The following OLFM2 variants were observed in gnomAD, a reference collection of about 807,000 sequenced individuals.
The protein encoded by OLFM2 is noelin-2.
In OLFM2, 20 loss-of-function variants were observed where a neutral mutation model predicts 43.9. That is an observed-to-expected ratio of 0.46 (90% CI 0.32 to 0.66). The LOEUF is 0.66. OLFM2 is among the 30% of genes least tolerant of loss of function. The pLI is 0.04. For synonymous variants in OLFM2, 268 were observed against 278.6 expected (o/e 0.96, Z 0.38); for missense variants, 416 against 643.6 (o/e 0.65, Z 3.83).
rs181297330 is a variant in OLFM2, at chr19:9,901,335, A to G, written c.63+34969T>C. Among the ~76,000 whole-genome samples the G allele has an allele frequency of 5.9e-4, 90 of 152,250 alleles. 1 individual carries two copies. Among genetic ancestry groups the G allele is most frequent in the Admixed American group, 5.1e-3 (78 of 15,280 alleles). On this transcript the variant is annotated intron_variant, in intron 1 of 5. Transcript: ENST00000264833. ...CAACTACTTGGGAGGCTGAGGAATT[A>G]GACTTGCTTGAGCCTGGAAGGCAGA...
chr19:9,934,058 T>C (rs765831367), intron 1 of OLFM2, among the ~76,000 whole-genome samples: 2 of 152,130 alleles, frequency 1.3e-5, no homozygotes, highest in African/African-American at 2.4e-5. Context: ...GTTCATTGAA[T>C]GGATTAACCA....
chr19:9,928,022 C>A (rs1354714158), intron 1 of OLFM2, among the ~76,000 whole-genome samples: 2 of 151,884 alleles, frequency 1.3e-5, no homozygotes, highest in African/African-American at 4.8e-5. Context: ...CATAGTGAGA[C>A]CCCCATCTCT....
chr19:9,860,618 C>T (rs891248315), intron 2 of OLFM2, 27 bp downstream of exon 2: 1 of 1,562,276 alleles, frequency 6.4e-7, no homozygotes, highest in Non-Finnish European at 8.7e-7. Context: ...TTCCCAGCTG[C>T]CCCCAGGGTA....
At chr19:9,889,564 G>T (rs183118386) in intron 1 of OLFM2, among the ~76,000 whole-genome samples, 11 of 152,224 alleles carry the variant, frequency 7.2e-5, no homozygotes, top group Middle Eastern at 3.4e-3. Flanking sequence ...TGTGTGTTTT[G>T]TGCAGATGCA....
At chr19:9,897,206 G>A (rs1017327228) in intron 1 of OLFM2, among the ~76,000 whole-genome samples, 6 of 151,954 alleles carry the variant, frequency 3.9e-5, no homozygotes, top group African/African-American at 7.2e-5. Context: ...GTGCATGCCT[G>A]TAATCCCAGC....
At chr19:9,907,185 G>C (rs1183982084) in intron 1 of OLFM2, among the ~76,000 whole-genome samples, 2 of 152,192 alleles carry the variant, frequency 1.3e-5, no homozygotes, top group Non-Finnish European at 2.9e-5. Flanking sequence ...GCCGGGCGTG[G>C]TGGTTCACGC....
chr19:9,906,568 C>T (rs116582111), intron 1 of OLFM2, among the ~76,000 whole-genome samples: 1,811 of 152,068 alleles, frequency 0.012, 33 homozygotes, highest in African/African-American at 0.041. Context: ...GAGATCCAGG[C>T]GGAGGGGCAG....
rs566606118 is a variant in OLFM2, at chr19:9,868,387, T to C, written c.64-7593A>G. Among the ~76,000 whole-genome samples the C allele has an allele frequency of 3.6e-3, 548 of 152,140 alleles. 3 individuals are homozygous for C. The highest frequency in any genetic ancestry group is 5.9e-3 in the Non-Finnish European group (402 of 68,000). On this transcript the variant is annotated intron_variant, in intron 1 of 5. Coordinates refer to ENST00000264833, the MANE Select transcript of OLFM2 (RefSeq NM_058164.4). ...CAGGCTAATTTTTAAAAAGATTTTT[T>C]GTAGAAACAGGGACTAGCTATGTTG...
Position 9,916,376 on chromosome 19 carries a change from A to T in OLFM2, c.63+19928T>A, listed in dbSNP as rs1340215682. Among the ~76,000 whole-genome samples the T allele has an allele frequency of 2.0e-5, 3 of 152,168 alleles. No individual in the cohort carries two copies. The East Asian group carries it at 5.8e-4, about 29-fold the overall frequency. On this transcript the variant is annotated intron_variant, in intron 1 of 5. Coordinates refer to ENST00000264833, the MANE Select transcript of OLFM2 (RefSeq NM_058164.4). ...CCCTGTCTAAAAGAAAAAAAAGATGAGTTCTTGCCAGCTTGTTCTAAAGCT... is the reference window on the plus strand; with the variant it reads ...CCCTGTCTAAAAGAAAAAAAAGATGTGTTCTTGCCAGCTTGTTCTAAAGCT...
At chr19:9,876,873 T>G (rs1470525277) in intron 1 of OLFM2, among the ~76,000 whole-genome samples, 1 of 152,194 alleles carries the variant, frequency 6.6e-6, no homozygotes. Flanking sequence ...CGTAATCCAT[T>G]TTATTTATTT....
At chr19:9,894,553 TA>T (rs1381119133) in intron 1 of OLFM2, among the ~76,000 whole-genome samples, 2 of 150,416 alleles carry the variant, frequency 1.3e-5, no homozygotes, top group African/African-American at 4.9e-5. Context: ...CTACTAAAAA[TA>T]CAAAATTAGC....
chr19:9,905,212 C>T (rs1356391211), intron 1 of OLFM2, among the ~76,000 whole-genome samples: 1 of 152,088 alleles, frequency 6.6e-6, no homozygotes, highest in Non-Finnish European at 1.5e-5. Context: ...AATCCCAGCA[C>T]TTTGGGAGGC....
intron 1 of OLFM2, among the ~76,000 whole-genome samples, chr19:9,920,009 T>C (rs2086410187): frequency 6.8e-6 from 1 of 147,882 alleles, no homozygotes; most frequent in Non-Finnish European, 1.5e-5. Context: ...TTCACCATGT[T>C]GGCCGGCTGG....
chr19:9,900,978 GGAAGGAAGGAA>G, intron 1 of OLFM2, among the ~76,000 whole-genome samples: 1 of 50,734 alleles, frequency 2.0e-5, no homozygotes, highest in African/African-American at 1.5e-4. Flanking sequence ...AAGGAAGGAA[GGAAGGAAGGAA>G]GGGAGGGAGG....
chr19:9,855,323 C>T (rs1271166405), intron 5 of OLFM2, among the ~76,000 whole-genome samples: 2 of 151,406 alleles, frequency 1.3e-5, no homozygotes, highest in Non-Finnish European at 2.9e-5. Flanking sequence ...TCACTGCAAC[C>T]TCCGCCTCCC....
At chr19:9,918,195 CT>C (rs889445356) in intron 1 of OLFM2, among the ~76,000 whole-genome samples, 5 of 147,062 alleles carry the variant, frequency 3.4e-5, no homozygotes, top group Middle Eastern at 3.7e-3. Context: ...GTTCTTTTAT[CT>C]TTTTTTTTAA....
At chr19:9,933,837 G>A (rs2086499244) in intron 1 of OLFM2, among the ~76,000 whole-genome samples, 2 of 152,158 alleles carry the variant, frequency 1.3e-5, no homozygotes, top group African/African-American at 2.4e-5. Flanking sequence ...GATTACAGGC[G>A]TGAGCCACAG....
At position 9,856,879 on chromosome 19, in the gene OLFM2, G is replaced by C; in HGVS notation, c.615C>G (p.Ile205Met). ...CGKLTGVSNP[I>M]TVRAMGSRFG... ...AGCGGGACCCCATGGCCCGAACGGT[G>C]ATGGGGTTACTGACCCCGGTCAGCT... The change falls in exon 5 of 6, where the codon ATC becomes ATG. Residue 205 changes from isoleucine to methionine, a missense_variant. By Grantham distance (10) the Ile-to-Met change is conservative. Transcript: ENST00000264833. This position sits in a 1 kb window ranked among gnomAD's most constrained non-coding sequence, Gnocchi z 4.0. 6.2e-7 allele frequency: 1 copy of C among 1,612,978 alleles called. No individual in the cohort carries two copies. The highest frequency in any genetic ancestry group is 8.5e-7 in the Non-Finnish European group (1 of 1,179,616).
chr19:9,860,636 G>T lies in OLFM2; in HGVS notation c.213+9C>A. On this transcript the variant is annotated intron_variant, in intron 2 of 5. Coordinates refer to ENST00000264833, the MANE Select transcript of OLFM2 (RefSeq NM_058164.4). ...CCAGCTGCCCCCAGGGTACCTGGAA[G>T]GTTCTCACCTTCTCCATCAGTTGCC... The T allele has an allele frequency of 6.3e-7, 1 of 1,574,852 alleles. No individual in the cohort carries two copies. The highest frequency in any genetic ancestry group is 8.6e-7 in the Non-Finnish European group (1 of 1,159,334).
Sources: gnomAD v4.1 joint callset for allele counts (sites outside exome capture counted in the v4.1 genomes callset) on GRCh38, gnomAD v4.1.1 for gene constraint, Gnocchi (gnomAD v3.1) non-coding constraint, MANE v1.5 for transcripts, NCBI Gene and HGNC (gene_info 2026-07-23, HGNC 2026-07-21) for gene names.